The following BBS9 variants were observed in gnomAD, a reference collection of about 807,000 sequenced individuals.
BBS9 encodes Bardet-Biedl syndrome 9.
A neutral mutation model predicts 117.7 loss-of-function variants in BBS9; 89 were observed. That is an observed-to-expected ratio of 0.76 (90% CI 0.64 to 0.90). The LOEUF (loss-of-function observed/expected upper bound fraction) is 0.90, where lower values mean the gene tolerates loss of function less well. Among genes scored for constraint, BBS9 ranks in the 40% least tolerant of loss-of-function variants. The probability of loss-of-function intolerance (pLI) is 0.00; values close to 1 mark genes in which losing one functional copy is unlikely to be tolerated. For synonymous variants in BBS9, 379 were observed against 370.9 expected, an observed-to-expected ratio of 1.02 and a Z score of -0.25; for missense variants, 982 against 1,042.2, an observed-to-expected ratio of 0.94 and a Z score of 0.80.
chr7:33,527,446 C>G (rs1472608223), intron 20 of BBS9, among the ~76,000 whole-genome samples: 3 of 152,156 alleles, frequency 2.0e-5, no homozygotes, highest in Admixed American at 2.0e-4. Context: ...GATATAGTCT[C>G]GTGGTGCGCC....
intron 4 of BBS9, among the ~76,000 whole-genome samples, chr7:33,174,590 G>A (rs562471314): frequency 6.6e-5 from 10 of 152,274 alleles, no homozygotes; most frequent in East Asian, 5.8e-4. Context: ...TCAGCTGACC[G>A]CCTTTGGCCA....
chr7:33,277,911 G>A (rs1562926878), intron 9 of BBS9, among the ~76,000 whole-genome samples: 1 of 152,154 alleles, frequency 6.6e-6, no homozygotes, highest in Non-Finnish European at 1.5e-5. Flanking sequence ...GCTGGCAATT[G>A]TTTTTGTCTA....
chr7:33,363,933 T>TAG (rs368865085), intron 16 of BBS9, among the ~76,000 whole-genome samples: 109 of 102,408 alleles, frequency 1.1e-3, no homozygotes, highest in South Asian at 3.0e-3. Context: ...ACTATATTTT[T>TAG]ATTTTTTTTT....
intron 19 of BBS9, among the ~76,000 whole-genome samples, chr7:33,446,094 G>A (rs1226050679): frequency 6.6e-6 from 1 of 152,102 alleles, no homozygotes; most frequent in Non-Finnish European, 1.5e-5. Context: ...AAAACTCCAA[G>A]CTTAAATTTA....
intron 19 of BBS9, among the ~76,000 whole-genome samples, chr7:33,490,904 G>A (rs899267164): frequency 3.3e-5 from 5 of 152,202 alleles, no homozygotes; most frequent in Non-Finnish European, 7.3e-5. Context: ...CAGAACATGG[G>A]CTTTGTTGGG....
chr7:33,369,220 A>G (rs1419899), intron 17 of BBS9, among the ~76,000 whole-genome samples: 27,028 of 152,122 alleles, frequency 0.18, 2,563 homozygotes, highest in South Asian at 0.21. Context: ...TTAAACTAAA[A>G]AAGTTATGCC....
chr7:33,203,816 G>T (rs565207387), intron 5 of BBS9, among the ~76,000 whole-genome samples: 2 of 151,226 alleles, frequency 1.3e-5, no homozygotes, highest in African/African-American at 4.9e-5. Flanking sequence ...TCCGCCTCCC[G>T]GGCTCAAGCA....
intron 21 of BBS9, among the ~76,000 whole-genome samples, chr7:33,598,549 T>A (rs1183864555): frequency 6.6e-6 from 1 of 152,204 alleles, no homozygotes; most frequent in African/African-American, 2.4e-5. Flanking sequence ...TTGTAACACA[T>A]GTACCACACT....
chr7:33,596,487 C>A (rs1862834264), intron 21 of BBS9, among the ~76,000 whole-genome samples: 1 of 151,888 alleles, frequency 6.6e-6, no homozygotes, highest in African/African-American at 2.4e-5. Context: ...AGACTAAGCC[C>A]TTTGGTCTGA....
chr7:33,340,428 T>C (rs1248923575), intron 10 of BBS9, among the ~76,000 whole-genome samples: 1 of 152,166 alleles, frequency 6.6e-6, no homozygotes, highest in Non-Finnish European at 1.5e-5. Context: ...AGCCTATTAA[T>C]AGATATATAG....
At chr7:33,225,640 C>T (rs992288491) in intron 5 of BBS9, among the ~76,000 whole-genome samples, 4 of 150,428 alleles carry the variant, frequency 2.7e-5, no homozygotes, top group South Asian at 2.1e-4. Flanking sequence ...GTTCCTGCCT[C>T]ATCTTTTATA....
At chr7:33,516,221 T>C (rs1451073170) in intron 20 of BBS9, among the ~76,000 whole-genome samples, 1 of 152,096 alleles carries the variant, frequency 6.6e-6, no homozygotes, top group Non-Finnish European at 1.5e-5. Flanking sequence ...CCGGGCGCGG[T>C]GGCTCACACC....
chr7:33,234,216 G>A (rs906687616), intron 5 of BBS9, among the ~76,000 whole-genome samples: 3 of 152,002 alleles, frequency 2.0e-5, no homozygotes, highest in South Asian at 2.1e-4. Context: ...ATGTATGTAT[G>A]TATAGGAAAA....
chr7:33,474,062 T>C (rs1467218008), intron 19 of BBS9, among the ~76,000 whole-genome samples: 1 of 152,236 alleles, frequency 6.6e-6, no homozygotes, highest in Non-Finnish European at 1.5e-5. Flanking sequence ...AAATCCAAAT[T>C]GTGGTCTCTT....
At chr7:33,216,909 C>G (rs1789176582) in intron 5 of BBS9, among the ~76,000 whole-genome samples, 1 of 152,090 alleles carries the variant, frequency 6.6e-6, no homozygotes, top group South Asian at 2.1e-4. Context: ...GCCTGGCCAA[C>G]ATGGTGAAAC....
At chr7:33,154,217 T>C (rs1211277747) in intron 3 of BBS9, among the ~76,000 whole-genome samples, 2 of 152,168 alleles carry the variant, frequency 1.3e-5, no homozygotes, top group Non-Finnish European at 2.9e-5. Context: ...TTTCTACTAG[T>C]AGAGCAAATG....
intron 21 of BBS9, among the ~76,000 whole-genome samples, chr7:33,619,733 A>G (rs1004880392): frequency 6.6e-6 from 1 of 152,176 alleles, no homozygotes; most frequent in Admixed American, 6.5e-5. Context: ...AAATTAAACA[A>G]AATACTCCTG....
intron 19 of BBS9, among the ~76,000 whole-genome samples, chr7:33,491,635 C>T (rs1424470846): frequency 1.3e-5 from 2 of 152,174 alleles, no homozygotes; most frequent in African/African-American, 2.4e-5. Context: ...GACACAGTCC[C>T]TGTCTTCACA....
intron 21 of BBS9, among the ~76,000 whole-genome samples, chr7:33,577,597 G>A (rs573553486): frequency 1.8e-3 from 268 of 152,226 alleles, no homozygotes; most frequent in African/African-American, 4.8e-3. Flanking sequence ...AAAGACACAC[G>A]CACACGTATG....
Sources: allele counts gnomAD v4.1 joint callset (sites outside exome capture counted in the v4.1 genomes callset), GRCh38; gene constraint gnomAD v4.1.1; transcripts MANE v1.5; gene names NCBI Gene and HGNC (gene_info 2026-07-23, HGNC 2026-07-21).